The following SEC31B variants were observed in gnomAD, a reference collection of about 807,000 sequenced individuals.
SEC31B encodes the protein SEC31 homolog B, COPII component, also known as protein transport protein Sec31B.
SEC31B carries 113 observed loss-of-function variants against 135.0 expected under a neutral mutation model. The ratio of observed to expected loss-of-function variants is 0.84; its 90% CI spans 0.72 to 0.98. The LOEUF is 0.98. Ranked by LOEUF, SEC31B falls within the 50% of genes least tolerant of loss-of-function variation. SEC31B has a pLI of 0.00. For synonymous variants in SEC31B, 508 were observed against 549.4 expected, an observed-to-expected ratio of 0.92 and a Z score of 1.05; for missense variants, 1,296 against 1,421.1, an observed-to-expected ratio of 0.91 and a Z score of 1.42.
intron 3 of SEC31B, among the ~76,000 whole-genome samples, chr10:100,515,045 A>G (rs540427959): frequency 2.0e-4 from 30 of 151,600 alleles, no homozygotes; most frequent in Admixed American, 1.6e-3. Flanking sequence ...TAGTCCCAGC[A>G]CTTTGGGAGG....
intron 10 of SEC31B, 30 bp from the exon 11 acceptor site, chr10:100,502,514 T>C (rs757899817): frequency 6.0e-6 from 9 of 1,496,628 alleles, no homozygotes; most frequent in Middle Eastern, 1.8e-4. Context: ...AGGGTAAAGG[T>C]TATACCTTCA....
chr10:100,488,405 G>A (rs896091481), intron 24 of SEC31B, among the ~76,000 whole-genome samples: 3 of 147,722 alleles, frequency 2.0e-5, no homozygotes, highest in South Asian at 4.3e-4. Flanking sequence ...CTTGCAGTGA[G>A]CCGAGATCGC....
At chr10:100,493,970 G>A (rs1851354477) in intron 19 of SEC31B, among the ~76,000 whole-genome samples, 1 of 147,128 alleles carries the variant, frequency 6.8e-6, no homozygotes, top group African/African-American at 2.7e-5. Flanking sequence ...AGAGAGGAGA[G>A]GAGGGGAAGG....
At chr10:100,487,881 C>G in intron 25 of SEC31B, 86 bp from the exon 26 acceptor site, 1 of 1,562,140 alleles carries the variant, frequency 6.4e-7, no homozygotes, top group Non-Finnish European at 8.8e-7. Flanking sequence ...GACTTAAGTT[C>G]TGGGGCCCAG....
chr10:100,500,158 G>T (rs557530259), intron 11 of SEC31B: 81 of 456,590 alleles, frequency 1.8e-4, no homozygotes, highest in East Asian at 1.3e-3. Flanking sequence ...GTCTCTGGCG[G>T]GCTGAAGAAG....
In SEC31B at chr10:100,490,394, G is replaced by GA. The variant is rs1564648018; in HGVS notation, c.2651-73dup. The GA allele has an allele frequency of 3.5e-6, 5 of 1,419,244 alleles. No homozygotes were observed. The African/African-American group carries it at 7.3e-5, about 21-fold the overall frequency. 87.9% of individuals were successfully genotyped at this position (1,419,244 alleles called of 1,614,324 possible). The stretch of plus-strand genomic sequence containing the variant: ...GGAGCAACTCAGAGCATATCAGGGA[G>GA]AAACAGGATTGCAATAAAAAAATAA... On this transcript the variant is annotated intron_variant, in intron 20 of 25. Transcript: ENST00000370345.
chr10:100,514,057 C>T (rs1345750495), intron 3 of SEC31B, among the ~76,000 whole-genome samples: 2 of 151,798 alleles, frequency 1.3e-5, no homozygotes, highest in African/African-American at 4.8e-5. Flanking sequence ...TGGTGGCGCA[C>T]CCCTGTAATC....
chr10:100,509,493 C>G lies in SEC31B; in HGVS notation c.222G>C (p.Trp74Cys). 6.2e-7 allele frequency: 1 copy of G among 1,612,688 alleles called. No homozygotes were observed. Among genetic ancestry groups the G allele is most frequent in the Non-Finnish European group, 8.5e-7 (1 of 1,179,202 alleles). The change falls in exon 4 of 26, where the codon TGG becomes TGC. Residue 74 changes from tryptophan to cysteine, a missense_variant. Physicochemically the swap from Trp to Cys is radical, Grantham distance 215 (BLOSUM62 -2). Transcript: ENST00000370345. ...SALSRFHKLV[W>C]GSFGSGLLES... The stretch of plus-strand genomic sequence containing the variant: ...CCAGAAGCCCACTGCCAAAGCTCCC[C>G]CAGACCAGCTTGTGAAACCTATAAA...
In SEC31B at chr10:100,495,184, A is replaced by G. The variant is rs1184557005; in HGVS notation, c.2472+201T>C. The stretch of plus-strand genomic sequence containing the variant: ...ACTACACTATGAGCTACTTGAGGGC[A>G]AGTATCACAATTTTTGCACCTTTAT... On this transcript the variant is annotated intron_variant, in intron 19 of 25. Coordinates refer to ENST00000370345, the MANE Select transcript of SEC31B (RefSeq NM_015490.4). 9.9e-5 allele frequency: 58 copies of G among 586,444 alleles called. 1 individual carries two copies. In the South Asian group the frequency reaches 1.0e-3, roughly 10 times the overall value. The allele number at this position is 586,444 out of a possible 1,614,324, so 36.3% of individuals were successfully genotyped here.
intron 23 of SEC31B, 77 bp downstream of exon 23, chr10:100,489,175 A>T: frequency 6.7e-7 from 1 of 1,493,064 alleles, no homozygotes; most frequent in Non-Finnish European, 8.9e-7. Flanking sequence ...TTGAGGAATG[A>T]GGCCCATCTA....
intron 22 of SEC31B, 75 bp downstream of exon 22, chr10:100,489,628 A>T: frequency 1.2e-6 from 2 of 1,602,756 alleles, no homozygotes; most frequent in Admixed American, 1.7e-5. Context: ...GGAAGGACTG[A>T]CTGAATCCTC....
chr10:100,504,418 C>A (rs1398369922), intron 10 of SEC31B, among the ~76,000 whole-genome samples: 1 of 152,172 alleles, frequency 6.6e-6, no homozygotes, highest in Non-Finnish European at 1.5e-5. Context: ...GTCCTCCGAC[C>A]AGCTGCAAGG....
In SEC31B at chr10:100,490,103, G is replaced by A. The variant is rs573896524; in HGVS notation, c.2870C>T (p.Pro957Leu). The part of the protein sequence containing the change: ...PGRMVSHTPA[P>L]PASFPVPYLP... ...GTATGGCACAGGGAAGCTTGCAGGA[G>A]GGGCTGGGGTGTGGGAGACCATGCG... The change falls in exon 21 of 26, where the codon CCT (proline) becomes CTT (leucine). Residue 957 changes from proline (P) to leucine (L), a missense_variant. Coordinates refer to ENST00000370345, the MANE Select transcript of SEC31B (RefSeq NM_015490.4). 2 of 1,582,620 alleles carry A rather than the reference G, an allele frequency of 1.3e-6. No individual in the cohort carries two copies. Among genetic ancestry groups the A allele is most frequent in the African/African-American group, 2.7e-5 (2 of 74,034 alleles).
In SEC31B at chr10:100,507,559, G is replaced by C; in HGVS notation, c.648C>G (p.Cys216Trp). The C allele has an allele frequency of 6.2e-7, 1 of 1,614,224 alleles. No individual in the cohort carries two copies. The highest frequency in any genetic ancestry group is 1.3e-5 in the African/African-American group (1 of 75,052). The change falls in exon 7 of 26, where the codon TGC (cysteine) becomes TGG (tryptophan). Residue 216 changes from cysteine to tryptophan, a missense_variant. Cys to Trp is a radical substitution (Grantham distance 215, BLOSUM62 -2). Coordinates refer to ENST00000370345, the MANE Select transcript of SEC31B (RefSeq NM_015490.4). ...TGTCAGGATGCCAGGCCAGGCCTGA[G>C]CAGTGCATCTGTGAACAAAGCAGAT... Reference protein sequence around the residue: ...KVSDHSNRMHCSGLAWHPDIA... With the variant: ...KVSDHSNRMHWSGLAWHPDIA...
intron 17 of SEC31B, 97 bp from the exon 18 acceptor site, chr10:100,496,528 A>T (rs1019200003): frequency 7.7e-7 from 1 of 1,296,334 alleles, no homozygotes; most frequent in Non-Finnish European, 1.1e-6. Flanking sequence ...CTATGGGTAC[A>T]GATGAGGGCA....
intron 10 of SEC31B, among the ~76,000 whole-genome samples, chr10:100,503,567 G>A (rs751058217): frequency 6.6e-6 from 1 of 151,652 alleles, no homozygotes; most frequent in Non-Finnish European, 1.5e-5. Context: ...CCAAGTAGCT[G>A]GGATTACAGG....
At chr10:100,516,256 T>C (rs1185404352) in intron 2 of SEC31B, 37 bp from the exon 3 acceptor site, 12 of 1,606,534 alleles carry the variant, frequency 7.5e-6, no homozygotes, top group Non-Finnish European at 1.0e-5. Flanking sequence ...AGCAACAATA[T>C]ATGCATGGAT....
chr10:100,516,707 G>T (rs111931952), intron 2 of SEC31B, among the ~76,000 whole-genome samples, 167 bp downstream of exon 2: 3 of 144,780 alleles, frequency 2.1e-5, no homozygotes, highest in African/African-American at 7.6e-5. Flanking sequence ...GTCCTAGGCA[G>T]CCCTCAGGTA....
intron 3 of SEC31B, among the ~76,000 whole-genome samples, chr10:100,514,687 A>C (rs993099901): frequency 1.3e-5 from 2 of 152,240 alleles, no homozygotes; most frequent in African/African-American, 4.8e-5. Flanking sequence ...TTCCACCTCA[A>C]TATTTTAACT....
Sources: allele counts gnomAD v4.1 joint callset (sites outside exome capture counted in the v4.1 genomes callset), GRCh38; gene constraint gnomAD v4.1.1; transcripts MANE v1.5; gene names NCBI Gene and HGNC (gene_info 2026-07-23, HGNC 2026-07-21).